The following ZPBP variants were observed in gnomAD, a reference collection of about 807,000 sequenced individuals.
ZPBP encodes zona pellucida binding protein.
ZPBP carries 26 observed loss-of-function variants against 44.8 expected under a neutral mutation model. That is an observed-to-expected ratio of 0.58 (90% confidence interval 0.43 to 0.81). ZPBP has a LOEUF of 0.81. Among genes scored for constraint, ZPBP ranks in the 30% least tolerant of loss-of-function variants. The pLI, the probability that ZPBP is intolerant of heterozygous loss-of-function variation, is 0.00. For synonymous variants in ZPBP, 174 were observed against 153.2 expected (o/e 1.14, Z -1.00); for missense variants, 409 against 434.0 (o/e 0.94, Z 0.51).
chr7:49,982,244 T>A (rs1342072789), intron 7 of ZPBP, among the ~76,000 whole-genome samples: 1 of 105,858 alleles, frequency 9.4e-6, no homozygotes, highest in Non-Finnish European at 1.8e-5. Context: ...AATATAATTA[T>A]ATTATATATT....
intron 3 of ZPBP, among the ~76,000 whole-genome samples, chr7:50,081,552 G>A (rs777294633): frequency 6.6e-6 from 1 of 151,650 alleles, no homozygotes; most frequent in African/African-American, 2.4e-5. Context: ...GATGCTTTGA[G>A]AACCCCCCAA....
At chr7:50,030,541 C>A (rs1799559173) in intron 5 of ZPBP, among the ~76,000 whole-genome samples, 2 of 151,606 alleles carry the variant, frequency 1.3e-5, no homozygotes, top group Non-Finnish European at 1.5e-5. Context: ...AACTAGCAAG[C>A]AATAACATTT....
chr7:49,962,126 A>C (rs1438538063), intron 7 of ZPBP, among the ~76,000 whole-genome samples: 1 of 151,972 alleles, frequency 6.6e-6, no homozygotes, highest in Non-Finnish European at 1.5e-5. Flanking sequence ...AGGCAAGAAG[A>C]GGAAAGAACT....
rs180699683 is a variant in ZPBP at position 49,996,619 on chromosome 7, C to A, written c.784-13100G>T. ...TCTTTTCACAAGGGGATCCAGTCAC[C>A]AATTCAAGGTGGTCTGAGTCTGTAA... On this transcript the variant is annotated intron_variant, in intron 6 of 7. Transcript: ENST00000046087. Among the ~76,000 whole-genome samples, 9 of 152,236 alleles carry A rather than the reference C, an allele frequency of 5.9e-5. No individual in the cohort carries two copies. The East Asian group carries it at 1.7e-3, about 29-fold the overall frequency.
At chr7:49,858,647 A>G (rs1351907151) in intron 2 of ZPBP, among the ~76,000 whole-genome samples, 1 of 152,038 alleles carries the variant, frequency 6.6e-6, no homozygotes, top group Non-Finnish European at 1.5e-5. Flanking sequence ...CGGCACATGT[A>G]TATATATGTA....
intron 1 of ZPBP, among the ~76,000 whole-genome samples, chr7:49,923,593 T>C (rs1355347379): frequency 1.4e-5 from 2 of 140,872 alleles, no homozygotes; most frequent in Non-Finnish European, 3.1e-5. Flanking sequence ...CTTAATTCTG[T>C]GTGTTTTAAA....
intron 2 of ZPBP, among the ~76,000 whole-genome samples, chr7:49,859,684 T>C (rs1392072778): frequency 2.0e-5 from 3 of 152,244 alleles, no homozygotes; most frequent in Non-Finnish European, 4.4e-5. Context: ...ATACTATGTG[T>C]TGCCAATCGG....
intron 2 of ZPBP, among the ~76,000 whole-genome samples, chr7:49,882,426 A>G (rs1207386227): frequency 2.0e-5 from 3 of 152,196 alleles, no homozygotes; most frequent in Non-Finnish European, 4.4e-5. Context: ...GTCTTTTTCC[A>G]TATACATCCT....
intron 2 of ZPBP, among the ~76,000 whole-genome samples, chr7:49,855,231 T>C (rs2128718114): frequency 6.6e-6 from 1 of 152,338 alleles, no homozygotes; most frequent in East Asian, 1.9e-4. Context: ...GAAAATGGGA[T>C]ATGTTTTACA....
At chr7:50,046,264 C>T (rs1584112185) in intron 4 of ZPBP, among the ~76,000 whole-genome samples, 1 of 152,002 alleles carries the variant, frequency 6.6e-6, no homozygotes, top group East Asian at 1.9e-4. Flanking sequence ...AAAACACCAA[C>T]AGCAATGGCA....
intron 2 of ZPBP, among the ~76,000 whole-genome samples, chr7:50,087,363 T>C (rs1401913679): frequency 6.6e-6 from 1 of 151,920 alleles, no homozygotes; most frequent in Non-Finnish European, 1.5e-5. Context: ...AAGTTCAAAA[T>C]ACAAAAATCA....
At chr7:49,895,369 G>GATTC (rs1792332087) in intron 2 of ZPBP, among the ~76,000 whole-genome samples, 2 of 152,126 alleles carry the variant, frequency 1.3e-5, no homozygotes, top group Non-Finnish European at 2.9e-5. Context: ...GAATTCCAGG[G>GATTC]GGACACCAAT....
At chr7:49,860,141 T>G (rs1416704523) in intron 2 of ZPBP, among the ~76,000 whole-genome samples, 1 of 152,202 alleles carries the variant, frequency 6.6e-6, no homozygotes, top group African/African-American at 2.4e-5. Flanking sequence ...TCTTTTTAAG[T>G]GTTCAATCCA....
chr7:49,947,096 T>C lies in ZPBP; in HGVS notation c.962-9474A>G, dbSNP rs150050852. Reference sequence around the variant, plus strand: ...TTTATCTGACAGGATTCTGAATTCCTTCTCTGTGTTATCTTGAATTCTGTT... The same window carrying C: ...TTTATCTGACAGGATTCTGAATTCCCTCTCTGTGTTATCTTGAATTCTGTT... On this transcript the variant is annotated intron_variant, in intron 7 of 7. Coordinates refer to ENST00000046087, the MANE Select transcript of ZPBP (RefSeq NM_007009.3). 4.2e-3 allele frequency among the ~76,000 whole-genome samples: 641 copies of C among 152,278 alleles called. 3 individuals are homozygous for C. Among genetic ancestry groups the C allele is most frequent in the African/African-American group, 0.015 (623 of 41,574 alleles).
At chr7:50,018,493 T>C (rs57958763) in intron 5 of ZPBP, among the ~76,000 whole-genome samples, 177 bp from the exon 6 acceptor site, 1 of 152,022 alleles carries the variant, frequency 6.6e-6, no homozygotes. Context: ...TTGCTTTCTA[T>C]AAATCAAGAC....
rs1427798003 is a variant in ZPBP, at chr7:49,978,682, T to C, written c.961+4660A>G. Among the ~76,000 whole-genome samples, 3 of 152,046 alleles carry C rather than the reference T, an allele frequency of 2.0e-5. 1 individual carries two copies. ...GTGAGCTCATCATCATTTTATCTAG[T>C]AGTCAGTTTCATACTTGAATGGATT... On this transcript the variant is annotated intron_variant, in intron 7 of 7. Transcript: ENST00000046087.
chr7:49,949,233 C>A (rs918763964), intron 7 of ZPBP, among the ~76,000 whole-genome samples: 4 of 152,096 alleles, frequency 2.6e-5, no homozygotes, highest in Non-Finnish European at 4.4e-5. Flanking sequence ...AAATAAATTT[C>A]TGTTGTTTAA....
intron 1 of ZPBP, chr7:49,915,289 G>A (rs967933056): frequency 7.9e-5 from 12 of 152,186 alleles, no homozygotes; most frequent in African/African-American, 2.9e-4. Context: ...CAGATGGAGA[G>A]GCACAGTGTC....
intron 5 of ZPBP, among the ~76,000 whole-genome samples, chr7:50,021,496 T>A (rs1208414711): frequency 2.6e-5 from 4 of 151,312 alleles, no homozygotes; most frequent in Non-Finnish European, 4.4e-5. Context: ...AAAAAAAAAA[T>A]TTTAAGTGAA....
Sources: gnomAD v4.1 joint callset for allele counts (sites outside exome capture counted in the v4.1 genomes callset) on GRCh38, gnomAD v4.1.1 for gene constraint, MANE v1.5 for transcripts, NCBI Gene and HGNC (gene_info 2026-07-23, HGNC 2026-07-21) for gene names.